Variants in COLGALT1 observed in about 807,000 individuals in gnomAD.
COLGALT1 encodes the protein collagen beta(1-O)galactosyltransferase 1.
Under a neutral mutation model 60.8 loss-of-function variants are expected in COLGALT1, and 43 were observed. That is an observed-to-expected ratio of 0.71 (90% CI 0.55 to 0.91). COLGALT1 has a LOEUF of 0.91. COLGALT1 is among the 40% of genes least tolerant of loss of function. The probability of loss-of-function intolerance (pLI) is 0.00; values close to 1 mark genes in which losing one functional copy is unlikely to be tolerated. For synonymous variants in COLGALT1, 369 were observed against 374.2 expected (o/e 0.99, Z 0.16); for missense variants, 845 against 880.0 (o/e 0.96, Z 0.50).
chr19:17,580,800 A>G lies in COLGALT1; in HGVS notation c.1496A>G (p.Tyr499Cys), dbSNP rs1180636570. 3 of 1,613,848 alleles carry G rather than the reference A, an allele frequency of 1.9e-6. No individual in the cohort carries two copies. The highest frequency in any genetic ancestry group is 2.5e-6 in the Non-Finnish European group (3 of 1,179,950). Residue 499 changes from tyrosine (Y) to cysteine (C), a missense_variant, in exon 11 of 12, where the codon TAC (tyrosine) becomes TGC (cysteine). Physicochemically the swap from Tyr to Cys is radical, Grantham distance 194. Transcript: ENST00000252599. ...EADYSYWTLA[Y>C]VISLQGARKL... ...GACTATTCCTACTGGACCCTGGCCT[A>G]CGTGATCTCCCTGCAAGGCGCCCGC...
rs552521030 is a variant in COLGALT1, at chr19:17,579,602, G to C, written c.1387G>C (p.Asp463His). 1.1e-5 allele frequency: 18 copies of C among 1,588,668 alleles called. No homozygotes were observed. The highest frequency in any genetic ancestry group is 1.7e-5 in the Admixed American group (1 of 58,680). Residue 463 changes from aspartate to histidine, a missense_variant, in exon 10 of 12, where the codon GAC becomes CAC. By Grantham distance (81) the Asp-to-His change is moderately conservative. Transcript: ENST00000252599. ...TGTGGAGCGGGAGGGCCTGGACTGG[G>C]ACCTCATGTGAGTGGGGGTCTGAGG... The part of the protein sequence containing the change: ...RDVEREGLDW[D>H]LIYVGRKRMQ...
chr19:17,562,847 A>G (rs2076257352), intron 3 of COLGALT1, among the ~76,000 whole-genome samples: 1 of 152,096 alleles, frequency 6.6e-6, no homozygotes, highest in Non-Finnish European at 1.5e-5. Flanking sequence ...GGAGAGAGGA[A>G]CGGGGACAGT....
intron 10 of COLGALT1, chr19:17,580,433 C>A (rs2076373205): frequency 7.5e-6 from 4 of 535,346 alleles, no homozygotes; most frequent in Middle Eastern, 5.0e-4. Context: ...GCAGCTTCAG[C>A]CTCAGAGAAC....
chr19:17,561,374 C>T (rs999443031), intron 3 of COLGALT1, among the ~76,000 whole-genome samples: 1 of 151,562 alleles, frequency 6.6e-6, no homozygotes, highest in African/African-American at 2.4e-5. Context: ...GGCCACCGTG[C>T]CTGGCCGTGT....
rs1009190862 is a variant in COLGALT1 at position 17,559,199 on chromosome 19, G to T, written c.261-112G>T. 11 of 733,202 alleles carry T rather than the reference G, an allele frequency of 1.5e-5. No homozygotes were observed. The Admixed American group carries it at 2.0e-4, about 13-fold the overall frequency. 45.4% of individuals were successfully genotyped at this position (733,202 alleles called of 1,614,324 possible). A position where few individuals can be genotyped will look rare whatever the true frequency, so the allele number is the denominator to read the frequency against. ...GAAAGGGAGAAGTGTCCTGTCCAGG[G>T]ATACATAGCTGGTGGGAGGCCAGTT... On this transcript the variant is annotated intron_variant, in intron 1 of 11. Transcript: ENST00000252599.
At chr19:17,574,120 A>G (rs779121089) in intron 6 of COLGALT1, among the ~76,000 whole-genome samples, 3 of 152,184 alleles carry the variant, frequency 2.0e-5, no homozygotes, top group Non-Finnish European at 2.9e-5. Flanking sequence ...AGCCATTGCT[A>G]ATGTGGGCCT....
At chr19:17,556,010 G>T (rs2076208637) in intron 1 of COLGALT1, 37 bp downstream of exon 1, 12 of 1,286,862 alleles carry the variant, frequency 9.3e-6, no homozygotes, top group South Asian at 2.2e-5. Context: ...GGCGGGTCAC[G>T]CGAGCCCCTG....
At chr19:17,558,008 G>C (rs997098227) in intron 1 of COLGALT1, among the ~76,000 whole-genome samples, 1 of 152,064 alleles carries the variant, frequency 6.6e-6, no homozygotes, top group Non-Finnish European at 1.5e-5. Flanking sequence ...CACGATCTCG[G>C]CTCACTGCAA....
chr19:17,562,352 C>G (rs1238312341), intron 3 of COLGALT1, among the ~76,000 whole-genome samples: 1 of 151,992 alleles, frequency 6.6e-6, no homozygotes, highest in Non-Finnish European at 1.5e-5. Context: ...GGTCTGTGTT[C>G]TGATTTGAGA....
At chr19:17,559,795 GT>G (rs897823278) in intron 2 of COLGALT1, among the ~76,000 whole-genome samples, 8 of 147,610 alleles carry the variant, frequency 5.4e-5, no homozygotes, top group Middle Eastern at 3.5e-3. Flanking sequence ...CTGGGTTTTT[GT>G]TTTTTTTTTG....
intron 6 of COLGALT1, among the ~76,000 whole-genome samples, chr19:17,576,897 A>C (rs1568480751): frequency 9.2e-6 from 1 of 108,608 alleles, no homozygotes; most frequent in Non-Finnish European, 1.8e-5. Context: ...TCCAGGGTTG[A>C]GTAGCGGGGC....
At chr19:17,559,769 C>T (rs2076237240) in intron 2 of COLGALT1, among the ~76,000 whole-genome samples, 1 of 152,046 alleles carries the variant, frequency 6.6e-6, no homozygotes, top group African/African-American at 2.4e-5. Flanking sequence ...ACTCCCTGCC[C>T]CCACCCAGTT....
At position 17,578,082 on chromosome 19, in the gene COLGALT1, G is replaced by T. The variant is rs1189110985; in HGVS notation, c.1259G>T (p.Trp420Leu). 6.2e-7 allele frequency: 1 copy of T among 1,606,742 alleles called. No homozygotes were observed. Among genetic ancestry groups the T allele is most frequent in the Admixed American group, 1.7e-5 (1 of 59,844 alleles). Reference sequence around the variant, plus strand: ...TGCTTCCTGAGCCACTACAACATCTGGAAGGAGGTGTGTCCTGAGTGATGG... The same window carrying T: ...TGCTTCCTGAGCCACTACAACATCTTGAAGGAGGTGTGTCCTGAGTGATGG... ...LGCFLSHYNI[W>L]KEVVDRGLQK... is the part of the protein sequence containing the mutation. The change falls in exon 9 of 12, where the codon TGG becomes TTG. Residue 420 changes from tryptophan (W) to leucine (L), a missense_variant. By Grantham distance (61) the Trp-to-Leu change is moderately conservative. Transcript: ENST00000252599.
chr19:17,569,891 C>CCTTTTTTTT (rs749016124), intron 5 of COLGALT1, among the ~76,000 whole-genome samples: 8 of 98,740 alleles, frequency 8.1e-5, no homozygotes, highest in Admixed American at 1.5e-4. Flanking sequence ...CCACTAATTA[C>CCTTTTTTTT]TTTTTTTTTT....
At chr19:17,559,756 T>C (rs2076237159) in intron 2 of COLGALT1, among the ~76,000 whole-genome samples, 1 of 151,848 alleles carries the variant, frequency 6.6e-6, no homozygotes, top group Non-Finnish European at 1.5e-5. Context: ...CTGGGCAGCA[T>C]GGACTCCCTG....
intron 2 of COLGALT1, 120 bp downstream of exon 2, chr19:17,559,541 A>T: frequency 1.3e-6 from 1 of 754,330 alleles, no homozygotes. Flanking sequence ...CAGCCCAGCC[A>T]GGCAGCATTA....
At chr19:17,580,425 A>C in intron 10 of COLGALT1, 2 of 505,616 alleles carry the variant, frequency 4.0e-6, no homozygotes, top group Non-Finnish European at 7.2e-6. Flanking sequence ...AACTCAGAGC[A>C]GCTTCAGCCT....
At chr19:17,581,032 C>G in intron 11 of COLGALT1, 127 bp downstream of exon 11, 3 of 1,391,680 alleles carry the variant, frequency 2.2e-6, no homozygotes, top group Non-Finnish European at 3.0e-6. Flanking sequence ...TCCGTTTGCC[C>G]CCTCGCAGAT....
At chr19:17,560,495 C>G in intron 3 of COLGALT1, 30 bp downstream of exon 3, 1 of 1,572,142 alleles carries the variant, frequency 6.4e-7, no homozygotes, top group Non-Finnish European at 8.8e-7. Flanking sequence ...GGATATGGAT[C>G]ACAGGCAGGT....
Sources: gnomAD v4.1 joint callset for allele counts (sites outside exome capture counted in the v4.1 genomes callset) on GRCh38, gnomAD v4.1.1 for gene constraint, MANE v1.5 for transcripts, NCBI Gene and HGNC (gene_info 2026-07-23, HGNC 2026-07-21) for gene names.